Variants in NUP188 observed in about 807,000 individuals in gnomAD.
The protein encoded by NUP188 is nucleoporin NUP188.
In NUP188, 97 loss-of-function variants were observed where a neutral mutation model predicts 223.0. That is an observed-to-expected ratio of 0.43 (90% CI 0.37 to 0.51). The LOEUF (loss-of-function observed/expected upper bound fraction) is 0.51. Among genes scored for constraint, NUP188 ranks in the 20% least tolerant of loss-of-function variants. The pLI, the probability that NUP188 is intolerant of heterozygous loss-of-function variation, is 0.00. For missense variants in NUP188, 1,947 were observed against 2,175.6 expected (o/e 0.89, Z 2.09); for synonymous variants, 869 against 828.0 (o/e 1.05, Z -0.85).
chr9:128,991,103 T>C (rs1348170825), intron 25 of NUP188, among the ~76,000 whole-genome samples: 1 of 151,738 alleles, frequency 6.6e-6, no homozygotes, highest in East Asian at 1.9e-4. Context: ...TAAGATGCCC[T>C]ATGATCTCCT....
At chr9:128,956,259 A>G in intron 3 of NUP188, 91 bp from the exon 4 acceptor site, 2 of 683,604 alleles carry the variant, frequency 2.9e-6, no homozygotes, top group Non-Finnish European at 4.7e-6. Flanking sequence ...AGGGCAGAAA[A>G]TAGTCTGTAG....
At chr9:128,967,383 G>A (rs1177608303) in intron 8 of NUP188, among the ~76,000 whole-genome samples, 1 of 152,148 alleles carries the variant, frequency 6.6e-6, no homozygotes, top group East Asian at 1.9e-4. Context: ...CTGGGTGTAT[G>A]GTGGCTCAGG....
intron 2 of NUP188, among the ~76,000 whole-genome samples, chr9:128,949,578 C>T (rs1474183054): frequency 2.6e-5 from 4 of 151,750 alleles, no homozygotes; most frequent in South Asian, 4.2e-4. Context: ...GTGATCTGCC[C>T]TCCTTGGCCT....
chr9:128,973,074 G>A, intron 11 of NUP188, 86 bp from the exon 12 acceptor site: 1 of 698,782 alleles, frequency 1.4e-6, no homozygotes, highest in Non-Finnish European at 2.3e-6. Flanking sequence ...TGTTTACAAA[G>A]AATATATGAA....
At position 128,973,215 on chromosome 9, in the gene NUP188, C is replaced by G; in HGVS notation, c.1169C>G (p.Thr390Ser). Residue 390 changes from threonine (T) to serine (S), a missense_variant, in exon 12 of 44, where the codon ACC becomes AGC. By Grantham distance (58) the Thr-to-Ser change is moderately conservative. Coordinates refer to ENST00000372577, the MANE Select transcript of NUP188 (RefSeq NM_015354.3). ...TATGGACTGCTCTCTTTCGTTCTGA[C>G]CTCGTTGGAGCTGCACACCCTGGGC... is the stretch of plus-strand genomic sequence containing the variant. Reference protein sequence around the residue: ...CVYGLLSFVLTSLELHTLGNQ... With the variant: ...CVYGLLSFVLSSLELHTLGNQ... 1 of 1,613,630 alleles carries G rather than the reference C, an allele frequency of 6.2e-7. No homozygotes were observed. The highest frequency in any genetic ancestry group is 8.5e-7 in the Non-Finnish European group (1 of 1,179,958).
chr9:128,964,777 C>CT (rs1471567797), intron 8 of NUP188, among the ~76,000 whole-genome samples: 4 of 148,758 alleles, frequency 2.7e-5, no homozygotes, highest in Non-Finnish European at 5.9e-5. Flanking sequence ...ACGATGTTGG[C>CT]TAAGTGTAAT....
intron 12 of NUP188, among the ~76,000 whole-genome samples, chr9:128,974,904 G>A (rs1038039676): frequency 2.0e-5 from 3 of 151,814 alleles, no homozygotes; most frequent in African/African-American, 7.3e-5. Flanking sequence ...GACTACAGGC[G>A]TGTGCCACCA....
At chr9:128,998,098 C>A in intron 30 of NUP188, 53 bp from the exon 31 acceptor site, 1 of 1,308,484 alleles carries the variant, frequency 7.6e-7, no homozygotes, top group Non-Finnish European at 1.1e-6. Context: ...GTTTCTTGGC[C>A]TCTAAAATCT....
chr9:128,994,822 G>A (rs369267465), intron 28 of NUP188, 34 bp from the exon 29 acceptor site: 107 of 1,557,356 alleles, frequency 6.9e-5, no homozygotes, highest in Non-Finnish European at 8.8e-5. Flanking sequence ...AGTGATCAGA[G>A]ATGTGATAAT....
At chr9:128,970,319 T>G (rs1353592064) in intron 10 of NUP188, among the ~76,000 whole-genome samples, 1 of 152,084 alleles carries the variant, frequency 6.6e-6, no homozygotes, top group Non-Finnish European at 1.5e-5. Flanking sequence ...GTGAGAGTGA[T>G]TCATTCATGG....
Position 128,959,033 on chromosome 9 carries a change from G to C in NUP188, c.484G>C (p.Val162Leu). 6.3e-7 allele frequency: 1 copy of C among 1,588,832 alleles called. No individual in the cohort carries two copies. Among genetic ancestry groups the C allele is most frequent in the Non-Finnish European group, 8.6e-7 (1 of 1,162,858 alleles). ...TTTAAAGGTTGAATATGCAGACTGTGTTGATAAATTGGAGAAGGAACTAGT... is the reference window on the plus strand; with the variant it reads ...TTTAAAGGTTGAATATGCAGACTGTCTTGATAAATTGGAGAAGGAACTAGT... ...HPYRVEYADC[V>L]DKLEKELVSK... Residue 162 changes from valine to leucine, a missense_variant, in exon 8 of 44, where the codon GTT (valine) becomes CTT (leucine). Coordinates refer to ENST00000372577, the MANE Select transcript of NUP188 (RefSeq NM_015354.3).
At position 128,970,747 on chromosome 9, in the gene NUP188, T is replaced by C; in HGVS notation, c.913-11T>C. 6.2e-7 allele frequency: 1 copy of C among 1,612,682 alleles called. No individual in the cohort carries two copies. The highest frequency in any genetic ancestry group is 8.5e-7 in the Non-Finnish European group (1 of 1,178,714). On this transcript the variant is annotated splice_polypyrimidine_tract_variant and intron_variant, in intron 10 of 43. Coordinates refer to ENST00000372577, the MANE Select transcript of NUP188 (RefSeq NM_015354.3). The stretch of plus-strand genomic sequence containing the variant: ...GTTCGGAGATGTAGATGTGTTTTCT[T>C]CTCTCACTAGGATATGGACTGTTTA...
chr9:128,984,462 G>A (rs919173496), intron 19 of NUP188, among the ~76,000 whole-genome samples: 18 of 152,244 alleles, frequency 1.2e-4, no homozygotes, highest in Admixed American at 3.3e-4. Flanking sequence ...CATCAATCAC[G>A]TTAGTATGTG....
chr9:128,979,287 T>C lies in NUP188; in HGVS notation c.1229T>C (p.Val410Ala). 2 of 1,612,562 alleles carry C rather than the reference T, an allele frequency of 1.2e-6. No homozygotes were observed. Among genetic ancestry groups the C allele is most frequent in the Non-Finnish European group, 1.7e-6 (2 of 1,178,922 alleles). The stretch of plus-strand genomic sequence containing the variant: ...GATATAATTGATACAGCATGTGAAG[T>C]ATTGGCCGACCCTTCTCTTCCGGAA... ...QQDIIDTACE[V>A]LADPSLPELF... The change falls in exon 13 of 44, where the codon GTA (valine) becomes GCA (alanine). Residue 410 changes from valine to alanine, a missense_variant. Transcript: ENST00000372577.
Position 128,968,477 on chromosome 9 carries a change from C to T in NUP188, c.586-29C>T, listed in dbSNP as rs755689188. 3.2e-6 allele frequency: 5 copies of T among 1,550,540 alleles called. 1 individual carries two copies. Among genetic ancestry groups the T allele is most frequent in the South Asian group, 2.2e-5 (2 of 88,950 alleles). On this transcript the variant is annotated intron_variant, in intron 8 of 43. Coordinates refer to ENST00000372577, the MANE Select transcript of NUP188 (RefSeq NM_015354.3). The stretch of plus-strand genomic sequence containing the variant: ...CTGTTTTTAATCTCATGTTATTTCT[C>T]TCCCATTTTGTTTTCATTGGTTGTA...
chr9:128,949,378 G>C, intron 2 of NUP188, 135 bp downstream of exon 2: 1 of 638,144 alleles, frequency 1.6e-6, no homozygotes, highest in Admixed American at 2.6e-5. Flanking sequence ...TGTTTCCCAG[G>C]CTGGAGTGCA....
At chr9:128,972,494 A>C (rs1383427911) in intron 11 of NUP188, among the ~76,000 whole-genome samples, 2 of 152,234 alleles carry the variant, frequency 1.3e-5, no homozygotes, top group East Asian at 3.8e-4. Flanking sequence ...TTTTTAGGGC[A>C]GTGAAGCTAT....
intron 12 of NUP188, among the ~76,000 whole-genome samples, chr9:128,975,569 G>C (rs1312363696): frequency 6.6e-6 from 1 of 151,828 alleles, no homozygotes; most frequent in Non-Finnish European, 1.5e-5. Flanking sequence ...GCCCAGGCTG[G>C]AGAGTAAGTA....
intron 34 of NUP188, among the ~76,000 whole-genome samples, chr9:129,001,181 G>A (rs1445390589): frequency 2.6e-5 from 4 of 151,210 alleles, no homozygotes; most frequent in Non-Finnish European, 3.0e-5. Context: ...GGGCAGGGTC[G>A]TAGGGGTCCC....
Sources: allele counts gnomAD v4.1 joint callset (sites outside exome capture counted in the v4.1 genomes callset), GRCh38; gene constraint gnomAD v4.1.1; transcripts MANE v1.5; gene names NCBI Gene and HGNC (gene_info 2026-07-23, HGNC 2026-07-21).